Variants in PARD3 observed in about 807,000 individuals in gnomAD.
PARD3 encodes the protein partitioning defective 3 homolog.
Under a neutral mutation model 155.4 loss-of-function variants are expected in PARD3, and 75 were observed. The observed-to-expected ratio is 0.48, with a 90% CI of 0.40 to 0.58. The LOEUF (loss-of-function observed/expected upper bound fraction) is 0.58, where lower values mean the gene tolerates loss of function less well. PARD3 is among the 20% of genes least tolerant of loss of function. PARD3 has a pLI of 0.00. For missense variants in PARD3, 1,642 were observed against 1,721.7 expected (o/e 0.95, Z 0.82); for synonymous variants, 576 against 610.5 (o/e 0.94, Z 0.83).
At chr10:34,187,336 T>C (rs1014181882) in intron 22 of PARD3, among the ~76,000 whole-genome samples, 2 of 152,032 alleles carry the variant, frequency 1.3e-5, no homozygotes. Context: ...AATTTCCATC[T>C]GTTATAAACA....
chr10:34,646,817 C>A (rs1285599631), intron 2 of PARD3, among the ~76,000 whole-genome samples: 1 of 152,306 alleles, frequency 6.6e-6, no homozygotes, highest in East Asian at 1.9e-4. Context: ...CTGGGACCCA[C>A]AGGTATATGC....
At chr10:34,417,652 ATTTATCT>A (rs1845799541) in intron 5 of PARD3, among the ~76,000 whole-genome samples, 1 of 152,206 alleles carries the variant, frequency 6.6e-6, no homozygotes, top group Non-Finnish European at 1.5e-5. Context: ...TAATGAGTGC[ATTTATCT>A]TAATGGTTTT....
intron 3 of PARD3, among the ~76,000 whole-genome samples, chr10:34,492,497 G>A (rs1219601927): frequency 6.6e-6 from 1 of 152,178 alleles, no homozygotes; most frequent in African/African-American, 2.4e-5. Context: ...GGGCTGTTCT[G>A]TCTAGAAAGA....
At chr10:34,790,857 A>G (rs1042022531) in intron 1 of PARD3, among the ~76,000 whole-genome samples, 2 of 152,204 alleles carry the variant, frequency 1.3e-5, no homozygotes, top group Admixed American at 1.3e-4. Context: ...CCTGTGACCC[A>G]AAAATAAATT....
chr10:34,219,388 A>C (rs1038797605), intron 22 of PARD3, among the ~76,000 whole-genome samples: 12 of 152,228 alleles, frequency 7.9e-5, no homozygotes, highest in Non-Finnish European at 1.0e-4. Context: ...CATATTTTTT[A>C]ATTAAAGATG....
intron 1 of PARD3, among the ~76,000 whole-genome samples, chr10:34,780,031 T>C (rs1020531240): frequency 2.0e-5 from 3 of 152,214 alleles, no homozygotes; most frequent in Admixed American, 2.0e-4. Flanking sequence ...CATCCTATTC[T>C]ACTTCCCTCC....
intron 2 of PARD3, among the ~76,000 whole-genome samples, chr10:34,680,150 T>C (rs2093784496): frequency 6.6e-6 from 1 of 152,094 alleles, no homozygotes; most frequent in Non-Finnish European, 1.5e-5. Flanking sequence ...CTAGAGAAAG[T>C]ACTGAATACT....
intron 22 of PARD3, among the ~76,000 whole-genome samples, chr10:34,177,565 A>G (rs1002218781): frequency 6.6e-6 from 1 of 152,212 alleles, no homozygotes; most frequent in Non-Finnish European, 1.5e-5. Context: ...TGGTCTGCTC[A>G]CTGGGTTGCT....
At chr10:34,448,134 CGTGTGTGTGTGTGT>C (rs35325584) in intron 5 of PARD3, among the ~76,000 whole-genome samples, 2 of 147,042 alleles carry the variant, frequency 1.4e-5, no homozygotes, top group African/African-American at 2.6e-5. Flanking sequence ...ATATACACTG[CGTGTGTGTGTGTGT>C]GTGTGTGTGT....
intron 22 of PARD3, among the ~76,000 whole-genome samples, chr10:34,212,527 G>A (rs1951802437): frequency 6.6e-6 from 1 of 152,144 alleles, no homozygotes; most frequent in African/African-American, 2.4e-5. Flanking sequence ...TCAGAAAAGG[G>A]TCTCACTTAG....
At chr10:34,325,167 G>A (rs1372565430) in intron 19 of PARD3, among the ~76,000 whole-genome samples, 2 of 151,994 alleles carry the variant, frequency 1.3e-5, no homozygotes, top group East Asian at 1.9e-4. Flanking sequence ...GCAGCACCAC[G>A]CCTGGCTAAT....
chr10:34,682,495 A>G (rs1387769825), intron 2 of PARD3, among the ~76,000 whole-genome samples: 1 of 152,224 alleles, frequency 6.6e-6, no homozygotes, highest in Non-Finnish European at 1.5e-5. Context: ...AGTGAAACTG[A>G]TTACCTACAG....
intron 1 of PARD3, among the ~76,000 whole-genome samples, chr10:34,749,099 T>C (rs191028459): frequency 1.1e-4 from 16 of 152,378 alleles, no homozygotes; most frequent in Admixed American, 7.2e-4. Flanking sequence ...ATTCTAGTCC[T>C]ATTCTCTTAC....
chr10:34,638,261 T>C (rs1160023458), intron 2 of PARD3, among the ~76,000 whole-genome samples: 2 of 152,156 alleles, frequency 1.3e-5, no homozygotes, highest in Non-Finnish European at 2.9e-5. Flanking sequence ...TGCCATGCTT[T>C]CTTCTTGGTT....
intron 11 of PARD3, among the ~76,000 whole-genome samples, chr10:34,373,819 T>C (rs1840941022): frequency 6.6e-6 from 1 of 151,896 alleles, no homozygotes; most frequent in Non-Finnish European, 1.5e-5. Flanking sequence ...ATATTATGAC[T>C]AAAATTTTTT....
intron 5 of PARD3, among the ~76,000 whole-genome samples, chr10:34,442,135 T>C (rs576567169): frequency 1.1e-4 from 17 of 152,328 alleles, no homozygotes; most frequent in Non-Finnish European, 1.8e-4. Flanking sequence ...ACAGAACTTT[T>C]AGAATTTGGA....
At chr10:34,384,001 T>A in intron 8 of PARD3, 128 bp downstream of exon 8, 3 of 873,142 alleles carry the variant, frequency 3.4e-6, no homozygotes, top group Non-Finnish European at 5.2e-6. Flanking sequence ...TTTTAAAAGC[T>A]AATGGCAGAA....
rs1199483392 is a variant in PARD3 at position 34,227,881 on chromosome 10, T to TATATATATATATATATATAC, written c.3419+41775_3419+41776insGTATATATATATATATATAT. 2.2e-3 allele frequency among the ~76,000 whole-genome samples: 296 copies of TATATATATATATATATATAC among 133,624 alleles called. 4 individuals carry two copies. Among genetic ancestry groups the TATATATATATATATATATAC allele is most frequent in the Non-Finnish European group, 2.9e-3 (184 of 63,032 alleles). 87.7% of individuals were successfully genotyped at this position (133,624 alleles called of 152,430 possible). A position where few individuals can be genotyped will look rare whatever the true frequency, so the allele number is the denominator to read the frequency against. On this transcript the variant is annotated intron_variant, in intron 22 of 24. Coordinates refer to ENST00000374788, the MANE Select transcript of PARD3 (RefSeq NM_001184785.2). ...TTATATATATATATATATATATATATATACTGGGAATATATATGTATATAT... is the reference window on the plus strand; with the variant it reads ...TTATATATATATATATATATATATATATATATATATATATATATACATACTGGGAATATATATGTATATAT...
intron 1 of PARD3, among the ~76,000 whole-genome samples, chr10:34,800,395 A>G (rs925496209): frequency 1.3e-5 from 2 of 152,098 alleles, no homozygotes; most frequent in African/African-American, 4.8e-5. Flanking sequence ...GAATCACCTG[A>G]GGTCAGGAGT....
Sources: allele counts gnomAD v4.1 joint callset (sites outside exome capture counted in the v4.1 genomes callset), GRCh38; gene constraint gnomAD v4.1.1; transcripts MANE v1.5; gene names NCBI Gene and HGNC (gene_info 2026-07-23, HGNC 2026-07-21).